ARHGEF38: variants seen among roughly 807,000 people sequenced by gnomAD.
ARHGEF38 encodes the protein Rho guanine nucleotide exchange factor (GEF) 38.
Under a neutral mutation model 79.9 loss-of-function variants are expected in ARHGEF38, and 79 were observed. The observed-to-expected ratio is 0.99, with a 90% CI of 0.82 to 1.19. ARHGEF38 has a LOEUF of 1.19. Among genes scored for constraint, ARHGEF38 ranks in the 50% most tolerant of loss-of-function variants. The pLI, the probability that ARHGEF38 is intolerant of heterozygous loss-of-function variation, is 0.00. For missense variants in ARHGEF38, 962 were observed against 907.2 expected (o/e 1.06, Z -0.78); for synonymous variants, 366 against 328.3 (o/e 1.11, Z -1.24).
chr4:105,626,546 A>G (rs765880869), intron 3 of ARHGEF38, among the ~76,000 whole-genome samples: 3 of 152,194 alleles, frequency 2.0e-5, no homozygotes, highest in Non-Finnish European at 4.4e-5. Context: ...ATTTGAACCC[A>G]GGAAGTCGAC....
intron 2 of ARHGEF38, among the ~76,000 whole-genome samples, chr4:105,590,364 A>G (rs1393101222): frequency 6.6e-6 from 1 of 152,148 alleles, no homozygotes; most frequent in African/African-American, 2.4e-5. Context: ...ATATAGAAAA[A>G]CAGAAGCTAG....
chr4:105,613,988 TC>T lies in ARHGEF38; in HGVS notation c.508+482del, dbSNP rs1182031188. ...AAATTTACACAAGTTCTACTTTTTT[TC>T]ATGCTCTCTTTTTTTCTGTATTATT... is the stretch of plus-strand genomic sequence containing the variant. On this transcript the variant is annotated intron_variant, in intron 3 of 13. Transcript: ENST00000420470. Among the ~76,000 whole-genome samples the T allele has an allele frequency of 3.9e-5, 6 of 152,298 alleles. No homozygotes were observed. The South Asian group carries it at 6.2e-4, about 16-fold the overall frequency.
rs192676964 is a variant in ARHGEF38, at chr4:105,659,854, T to G, written c.1545+489T>G. On this transcript the variant is annotated intron_variant, in intron 10 of 13. Coordinates refer to ENST00000420470, the MANE Select transcript of ARHGEF38 (RefSeq NM_001242729.2). ...CAAGAAAGAGAAGCCTGGTTTTGTG[T>G]GTGTGTGTGTGTGTGTGTGTGTGTG... 6.3e-3 allele frequency among the ~76,000 whole-genome samples: 896 copies of G among 141,890 alleles called. 12 individuals are homozygous for G. Among genetic ancestry groups the G allele is most frequent in the Non-Finnish European group, 6.1e-3 (407 of 66,394 alleles). 93.1% of individuals were successfully genotyped at this position (141,890 alleles called of 152,430 possible).
chr4:105,585,726 CTT>C (rs3056719), intron 1 of ARHGEF38, among the ~76,000 whole-genome samples: 3 of 71,508 alleles, frequency 4.2e-5, no homozygotes, highest in East Asian at 4.8e-4. Flanking sequence ...CCCTCCGTTG[CTT>C]TTTTTTTTTT....
chr4:105,639,000 T>C (rs952391715), intron 5 of ARHGEF38, among the ~76,000 whole-genome samples: 21 of 152,024 alleles, frequency 1.4e-4, no homozygotes, highest in African/African-American at 4.8e-4. Flanking sequence ...TCAGAACATT[T>C]CAAAAAAAGC....
At position 105,667,247 on chromosome 4, in the gene ARHGEF38, T is replaced by C; in HGVS notation, c.1808T>C (p.Leu603Pro). ...CNATQEYDIN[L>P]LEGDLVAVIE... Reference sequence around the variant, plus strand: ...GCTACACAAGAATATGACATCAATCTTCTGGAAGGAGACTTGGTGGCTGTG... The same window carrying C: ...GCTACACAAGAATATGACATCAATCCTCTGGAAGGAGACTTGGTGGCTGTG... Residue 603 changes from leucine (L) to proline (P), a missense_variant, in exon 12 of 14, where the codon CTT (leucine) becomes CCT (proline). Physicochemically the swap from Leu to Pro is moderately conservative, Grantham distance 98. Coordinates refer to ENST00000420470, the MANE Select transcript of ARHGEF38 (RefSeq NM_001242729.2). 1 of 1,536,200 alleles carries C rather than the reference T, an allele frequency of 6.5e-7. No homozygotes were observed. Among genetic ancestry groups the C allele is most frequent in the Non-Finnish European group, 8.7e-7 (1 of 1,146,926 alleles).
rs1729174028 is a variant in ARHGEF38 at position 105,631,148 on chromosome 4, A to T, written c.656+103A>T. ...AGGTCTCACATAAATCCTATGTTTT[A>T]TGAGACTTGCTGGGAGCTCTGCTTT... On this transcript the variant is annotated intron_variant, in intron 4 of 13. Transcript: ENST00000420470. 6 of 1,392,718 alleles carry T rather than the reference A, an allele frequency of 4.3e-6. No homozygotes were observed. In the East Asian group the frequency reaches 1.6e-4, roughly 36 times the overall value. The allele number at this position is 1,392,718 out of a possible 1,614,324, so 86.3% of individuals were successfully genotyped here. A position where few individuals can be genotyped will look rare whatever the true frequency, so the allele number is the denominator to read the frequency against.
chr4:105,671,459 G>A (rs1264549180), intron 13 of ARHGEF38, among the ~76,000 whole-genome samples: 1 of 152,168 alleles, frequency 6.6e-6, no homozygotes, highest in African/African-American at 2.4e-5. Flanking sequence ...ATGGGCCAGT[G>A]GTTTCCAGAC....
Position 105,589,341 on chromosome 4 carries a change from A to C in ARHGEF38, c.290A>C (p.Lys97Thr). 6.2e-7 allele frequency: 1 copy of C among 1,614,172 alleles called. No individual in the cohort carries two copies. The highest frequency in any genetic ancestry group is 1.1e-5 in the South Asian group (1 of 91,080). The change falls in exon 2 of 14, where the codon AAG (lysine) becomes ACG (threonine). Residue 97 changes from lysine to threonine, a missense_variant. Lys to Thr is a moderately conservative substitution (Grantham distance 78, BLOSUM62 -1). Transcript: ENST00000420470. ...HMKRMMAKREKIIKELIQTEK... is the reference protein window; with the variant it reads ...HMKRMMAKRETIIKELIQTEK... ...AAGAGGATGATGGCAAAGCGGGAAAAGATCATTAAGGAGCTGATACAGACA... is the reference window on the plus strand; with the variant it reads ...AAGAGGATGATGGCAAAGCGGGAAACGATCATTAAGGAGCTGATACAGACA...
chr4:105,673,809 T>G (rs768032127), intron 13 of ARHGEF38, among the ~76,000 whole-genome samples: 28 of 152,254 alleles, frequency 1.8e-4, no homozygotes, highest in Non-Finnish European at 3.5e-4. Flanking sequence ...TACTTAAAAT[T>G]TTTTTCTTCA....
intron 2 of ARHGEF38, among the ~76,000 whole-genome samples, chr4:105,591,544 A>G (rs958225898): frequency 6.6e-6 from 1 of 152,180 alleles, no homozygotes; most frequent in Non-Finnish European, 1.5e-5. Context: ...AATATTTTTT[A>G]AAAAACCATC....
chr4:105,635,673 T>A (rs568741531), intron 4 of ARHGEF38, among the ~76,000 whole-genome samples: 97 of 152,228 alleles, frequency 6.4e-4, no homozygotes, highest in African/African-American at 2.2e-3. Context: ...GAAGGAAGCA[T>A]GTGAGCTTAA....
At chr4:105,584,052 G>A (rs565886882) in intron 1 of ARHGEF38, among the ~76,000 whole-genome samples, 61 of 151,902 alleles carry the variant, frequency 4.0e-4, no homozygotes, top group Non-Finnish European at 7.9e-4. Context: ...ATCTATTTAT[G>A]GTTCAGTTCA....
chr4:105,560,258 A>G (rs376956071), intron 1 of ARHGEF38, among the ~76,000 whole-genome samples: 150 of 152,300 alleles, frequency 9.8e-4, no homozygotes, highest in African/African-American at 3.5e-3. Context: ...CGGGGAACAA[A>G]ATTACAAAGG....
intron 3 of ARHGEF38, among the ~76,000 whole-genome samples, chr4:105,616,526 T>C (rs550330947): frequency 6.6e-6 from 1 of 152,162 alleles, no homozygotes; most frequent in South Asian, 2.1e-4. Flanking sequence ...ACTCACTCAC[T>C]ATCACAAGAA....
chr4:105,667,784 C>G, intron 13 of ARHGEF38, 81 bp downstream of exon 13: 8 of 1,466,286 alleles, frequency 5.5e-6, no homozygotes, highest in Non-Finnish European at 7.2e-6. Context: ...TACTGTAACA[C>G]TTGGTGGAAA....
intron 8 of ARHGEF38, 118 bp downstream of exon 8, chr4:105,654,287 G>T (rs1332648925): frequency 6.4e-5 from 37 of 580,812 alleles, no homozygotes; most frequent in Non-Finnish European, 9.8e-5. Context: ...TATGACACCG[G>T]ATCAAAATTG....
chr4:105,579,581 C>T (rs1255915489), intron 1 of ARHGEF38, among the ~76,000 whole-genome samples: 1 of 152,096 alleles, frequency 6.6e-6, no homozygotes, highest in African/African-American at 2.4e-5. Context: ...GGGATGAAGC[C>T]TACTTGATTG....
chr4:105,645,086 A>C, intron 5 of ARHGEF38, 102 bp from the exon 6 acceptor site: 1 of 935,960 alleles, frequency 1.1e-6, no homozygotes, highest in Non-Finnish European at 1.4e-6. Flanking sequence ...CAAATGAAAA[A>C]AAGAGAAAAT....
Sources: gnomAD v4.1 joint callset for allele counts (sites outside exome capture counted in the v4.1 genomes callset) on GRCh38, gnomAD v4.1.1 for gene constraint, MANE v1.5 for transcripts, NCBI Gene and HGNC (gene_info 2026-07-23, HGNC 2026-07-21) for gene names.